The following LIX1L variants were observed in gnomAD, a reference collection of about 807,000 sequenced individuals.
The protein encoded by LIX1L is LIX1-like protein.
Under a neutral mutation model 34.0 loss-of-function variants are expected in LIX1L, and 20 were observed. The ratio of observed to expected loss-of-function variants is 0.59; its 90% confidence interval spans 0.41 to 0.85. The LOEUF (loss-of-function observed/expected upper bound fraction) is 0.85, where lower values mean the gene tolerates loss of function less well. LIX1L is among the 40% of genes least tolerant of loss of function. The probability of loss-of-function intolerance (pLI) is 0.00; values close to 1 mark genes in which losing one functional copy is unlikely to be tolerated. For missense variants in LIX1L, 397 were observed against 447.0 expected (o/e 0.89, Z 1.01); for synonymous variants, 170 against 187.4 (o/e 0.91, Z 0.76).
chr1:145,955,507 T>G (rs1217921610), intron 1 of LIX1L, among the ~76,000 whole-genome samples: 1 of 152,176 alleles, frequency 6.6e-6, no homozygotes, highest in Non-Finnish European at 1.5e-5. Flanking sequence ...CTAAAGTAAA[T>G]TGTATTCAGG....
rs587641730 is a variant in LIX1L at position 145,952,943 on chromosome 1, G to C, written c.292+4693C>G. Among the ~76,000 whole-genome samples the C allele has an allele frequency of 2.0e-5, 3 of 151,670 alleles. No individual in the cohort carries two copies. The East Asian group carries it at 5.8e-4, about 29-fold the overall frequency. ...TTTTTTTTTTTTGAGGCAAGGTCTC[G>C]CTCTATCGCTGAAGCTAGAATTCAG... On this transcript the variant is annotated intron_variant, in intron 1 of 5. Coordinates refer to ENST00000604000, the MANE Select transcript of LIX1L (RefSeq NM_153713.3).
At chr1:145,947,837 G>C (rs1649166222) in intron 1 of LIX1L, 55 bp from the exon 2 acceptor site, 1 of 1,517,822 alleles carries the variant, frequency 6.6e-7, no homozygotes, top group Non-Finnish European at 9.1e-7. Context: ...TCCACGTGGT[G>C]CTATACTTCA....
chr1:145,949,292 C>T (rs782376538), intron 1 of LIX1L, among the ~76,000 whole-genome samples: 16 of 152,074 alleles, frequency 1.1e-4, no homozygotes, highest in South Asian at 4.1e-4. Context: ...TAGATGTCGG[C>T]GTATCTGACC....
In LIX1L at chr1:145,934,903, A is replaced by C. The variant is rs1648576987; in HGVS notation, c.*1407T>G. The C allele has an allele frequency of 6.6e-6, 1 of 152,222 alleles. No homozygotes were observed. The highest frequency in any genetic ancestry group is 6.6e-5 in the Admixed American group (1 of 15,240). 9.4% of individuals were successfully genotyped at this position (152,222 alleles called of 1,614,324 possible). On this transcript the variant is annotated 3_prime_UTR_variant, in exon 6 of 6. Coordinates refer to ENST00000604000, the MANE Select transcript of LIX1L (RefSeq NM_153713.3). The stretch of plus-strand genomic sequence containing the variant: ...ACAAATAGGCCAGGCTCAGTGCCTC[A>C]CGCCTGTAATCCCAGCACTTTGGGA...
chr1:145,946,927 T>C (rs1649132105), intron 2 of LIX1L, among the ~76,000 whole-genome samples: 1 of 152,234 alleles, frequency 6.6e-6, no homozygotes, highest in Non-Finnish European at 1.5e-5. Context: ...CTGTCTGCAA[T>C]GTAAAAAATC....
Position 145,934,529 on chromosome 1 carries a change from G to C in LIX1L, c.*1781C>G, listed in dbSNP as rs1329238146. 2.1e-5 allele frequency: 3 copies of C among 145,520 alleles called. No individual in the cohort carries two copies. The highest frequency in any genetic ancestry group is 2.1e-4 in the East Asian group (1 of 4,850). The allele number at this position is 145,520 out of a possible 1,614,324, so 9.0% of individuals were successfully genotyped here. On this transcript the variant is annotated 3_prime_UTR_variant, in exon 6 of 6. Transcript: ENST00000604000. ...GCGGAGCTTGCAGTGAGCCGAGATA[G>C]CGCCACTGCACTCCAGCCTGGGCGA...
In LIX1L at chr1:145,938,750, G is replaced by A. The variant is rs145047093; in HGVS notation, c.598-1051C>T. Among the ~76,000 whole-genome samples, 709 of 152,034 alleles carry A rather than the reference G, an allele frequency of 4.7e-3. 1 individual carries two copies. The highest frequency in any genetic ancestry group is 8.6e-3 in the Non-Finnish European group (585 of 67,986). On this transcript the variant is annotated intron_variant, in intron 3 of 5. Coordinates refer to ENST00000604000, the MANE Select transcript of LIX1L (RefSeq NM_153713.3). ...CTATAGGCATGCGCCATCACGCCCG[G>A]CTAATTTTTTTATTTTTAGTGGAGA... is the stretch of plus-strand genomic sequence containing the variant.
intron 3 of LIX1L, among the ~76,000 whole-genome samples, chr1:145,938,133 A>AC: frequency 6.6e-6 from 1 of 152,200 alleles, no homozygotes; most frequent in African/African-American, 2.4e-5. Flanking sequence ...GAAAAAAAAA[A>AC]AAACAAGTAA....
rs781854136 is a variant in LIX1L at position 145,957,948 on chromosome 1, C to T, written c.-21G>A. The T allele has an allele frequency of 3.5e-6, 5 of 1,433,660 alleles. No homozygotes were observed. The highest frequency in any genetic ancestry group is 2.8e-5 in the South Asian group (2 of 71,138). 88.8% of individuals were successfully genotyped at this position (1,433,660 alleles called of 1,614,324 possible). On this transcript the variant is annotated 5_prime_UTR_variant, in exon 1 of 6. Coordinates refer to ENST00000604000, the MANE Select transcript of LIX1L (RefSeq NM_153713.3). ...TCCATCCCGGCCGCCAATGGAGTAG[C>T]GCCCCGGAGCCTGCCAGCCTGCCGA...
chr1:145,933,582 AAAT>A lies in LIX1L; in HGVS notation c.*2725_*2727del, dbSNP rs1307648503. ...GATCTTACTGGTTGGTATTTGAGAA[AAAT>A]AATAAATCCAGGAGGTACGAGGGCA... On this transcript the variant is annotated 3_prime_UTR_variant, in exon 6 of 6. Coordinates refer to ENST00000604000, the MANE Select transcript of LIX1L (RefSeq NM_153713.3). 7 of 152,180 alleles carry A rather than the reference AAAT, an allele frequency of 4.6e-5. No individual in the cohort carries two copies. Among genetic ancestry groups the A allele is most frequent in the African/African-American group, 1.7e-4 (7 of 41,434 alleles). 9.4% of individuals were successfully genotyped at this position (152,180 alleles called of 1,614,324 possible).
At position 145,947,547 on chromosome 1, in the gene LIX1L, C is replaced by T. The variant is rs1649156581; in HGVS notation, c.456+72G>A. ...TATATGATTTCAGGCAGTTTAATGG[C>T]CAAAGTGGTGGAGAAAGCCGTTACT... On this transcript the variant is annotated intron_variant, in intron 2 of 5. Coordinates refer to ENST00000604000, the MANE Select transcript of LIX1L (RefSeq NM_153713.3). 4 of 1,521,982 alleles carry T rather than the reference C, an allele frequency of 2.6e-6. No homozygotes were observed. In the African/African-American group the frequency reaches 4.1e-5, roughly 16 times the overall value. 94.3% of individuals were successfully genotyped at this position (1,521,982 alleles called of 1,614,324 possible).
At position 145,934,533 on chromosome 1, in the gene LIX1L, C is replaced by CA. The variant is rs1648552719; in HGVS notation, c.*1776dup. 1 of 143,378 alleles carries CA rather than the reference C, an allele frequency of 7.0e-6. No homozygotes were observed. Among genetic ancestry groups the CA allele is most frequent in the Non-Finnish European group, 1.5e-5 (1 of 66,706 alleles). The allele number at this position is 143,378 out of a possible 1,614,324, so 8.9% of individuals were successfully genotyped here. ...AGCTTGCAGTGAGCCGAGATAGCGC[C>CA]ACTGCACTCCAGCCTGGGCGACAGA... is the stretch of plus-strand genomic sequence containing the variant. On this transcript the variant is annotated 3_prime_UTR_variant, in exon 6 of 6. Transcript: ENST00000604000.
At chr1:145,946,708 C>A (rs1304176606) in intron 2 of LIX1L, among the ~76,000 whole-genome samples, 3 of 152,098 alleles carry the variant, frequency 2.0e-5, no homozygotes, top group African/African-American at 4.8e-5. Context: ...CTCTATGGAA[C>A]ATAGTCCACT....
intron 3 of LIX1L, among the ~76,000 whole-genome samples, chr1:145,940,336 TC>T (rs1553758447): frequency 1.3e-5 from 2 of 150,670 alleles, no homozygotes; most frequent in East Asian, 3.9e-4. Flanking sequence ...TCTTTTTTTT[TC>T]CTTTCCTTTT....
chr1:145,938,583 CCT>C (rs1491378308), intron 3 of LIX1L, among the ~76,000 whole-genome samples: 2 of 121,996 alleles, frequency 1.6e-5, no homozygotes, highest in Admixed American at 8.3e-5. Flanking sequence ...ATAAAAATTT[CCT>C]TTTTTTTTTT....
chr1:145,952,401 G>A (rs587679947), intron 1 of LIX1L, among the ~76,000 whole-genome samples: 2 of 152,216 alleles, frequency 1.3e-5, no homozygotes, highest in South Asian at 4.1e-4. Flanking sequence ...AGGTGGGAGG[G>A]TAGGAAGAAC....
At chr1:145,945,288 A>C (rs1331269492) in intron 2 of LIX1L, among the ~76,000 whole-genome samples, 2 of 138,584 alleles carry the variant, frequency 1.4e-5, no homozygotes, top group African/African-American at 2.7e-5. Context: ...GCGACAGAGC[A>C]AGACTCTGTC....
intron 1 of LIX1L, 122 bp downstream of exon 1, chr1:145,957,514 G>T: frequency 7.7e-7 from 1 of 1,300,258 alleles, no homozygotes; most frequent in Non-Finnish European, 9.8e-7. Flanking sequence ...TAGCCCAGAA[G>T]GAAACTCCCC....
chr1:145,954,025 A>T (rs1553760098), intron 1 of LIX1L, among the ~76,000 whole-genome samples: 1 of 151,996 alleles, frequency 6.6e-6, no homozygotes, highest in South Asian at 2.1e-4. Flanking sequence ...GCACCACTGC[A>T]GTCCAGCCTA....
Sources: gnomAD v4.1 joint callset for allele counts (sites outside exome capture counted in the v4.1 genomes callset) on GRCh38, gnomAD v4.1.1 for gene constraint, MANE v1.5 for transcripts, NCBI Gene and HGNC (gene_info 2026-07-23, HGNC 2026-07-21) for gene names.